Variants in TVP23A observed in about 807,000 individuals in gnomAD.
The protein encoded by TVP23A is Golgi apparatus membrane protein TVP23 homolog A.
In TVP23A, 21 loss-of-function variants were observed where a neutral mutation model predicts 31.7. The observed-to-expected ratio is 0.66, with a 90% confidence interval of 0.47 to 0.95. The LOEUF (loss-of-function observed/expected upper bound fraction) is 0.95. Among genes scored for constraint, TVP23A ranks in the 40% least tolerant of loss-of-function variants. The pLI is 0.00. For missense variants in TVP23A, 279 were observed against 255.6 expected, an observed-to-expected ratio of 1.09 and a Z score of -0.62; for synonymous variants, 104 against 96.0, an observed-to-expected ratio of 1.08 and a Z score of -0.49.
In TVP23A at chr16:10,818,603, G is replaced by A; in HGVS notation, c.-110C>T. The A allele has an allele frequency of 7.2e-7, 1 of 1,390,308 alleles. No individual in the cohort carries two copies. Among genetic ancestry groups the A allele is most frequent in the Non-Finnish European group, 9.6e-7 (1 of 1,041,334 alleles). The allele number at this position is 1,390,308 out of a possible 1,614,324, so 86.1% of individuals were successfully genotyped here. A position where few individuals can be genotyped will look rare whatever the true frequency, so the allele number is the denominator to read the frequency against. ...CGGATGTAGGCAGCAGACGGTGGAC[G>A]CTGAGGGTCGGGGCCTGCGCCCTGT... On this transcript the variant is annotated 5_prime_UTR_variant, in exon 1 of 8. Transcript: ENST00000299866. The surrounding 1 kb of genome is among the most constrained non-coding windows in gnomAD (Gnocchi z 4.7).
chr16:10,800,502 A>T (rs2033644114), intron 2 of TVP23A, among the ~76,000 whole-genome samples: 1 of 152,108 alleles, frequency 6.6e-6, no homozygotes, highest in South Asian at 2.1e-4. Flanking sequence ...ATGTACCCTA[A>T]AATGTATGGC....
At chr16:10,769,251 A>G (rs964835984) in intron 7 of TVP23A, 150 bp from the exon 8 acceptor site, 1 of 641,052 alleles carries the variant, frequency 1.6e-6, no homozygotes, top group Non-Finnish European at 2.8e-6. Flanking sequence ...TTTCTCAGAG[A>G]CACTTTAATC....
rs557972348 is a variant in TVP23A, at chr16:10,785,373, C to T, written c.90-10277G>A. On this transcript the variant is annotated intron_variant, in intron 2 of 7. Coordinates refer to ENST00000299866, the MANE Select transcript of TVP23A (RefSeq NM_001079512.4). ...GAGCAGAGATCGCACCACTGCACTC[C>T]AGCCTGGGTGACAGAGCAAGACTCC... Among the ~76,000 whole-genome samples, 6 of 152,046 alleles carry T rather than the reference C, an allele frequency of 3.9e-5. No individual in the cohort carries two copies. The East Asian group carries it at 9.6e-4, about 24-fold the overall frequency.
At chr16:10,774,876 G>A (rs527600994) in intron 3 of TVP23A, 76 bp downstream of exon 3, 3 of 1,362,368 alleles carry the variant, frequency 2.2e-6, no homozygotes, top group South Asian at 2.5e-5. Flanking sequence ...CTAAACCAAA[G>A]TACCTCTTGG....
rs915350693 is a variant in TVP23A, at chr16:10,818,366, G to A, written c.9+119C>T. On this transcript the variant is annotated intron_variant, in intron 1 of 7. Transcript: ENST00000299866. The surrounding 1 kb of genome is among the most constrained non-coding windows in gnomAD (Gnocchi z 4.7). ...AGCCCTCTCCACCCTCCCGACCACCGGGTGCAGCCCAGCCCCAGGCCCCGG... is the reference window on the plus strand; with the variant it reads ...AGCCCTCTCCACCCTCCCGACCACCAGGTGCAGCCCAGCCCCAGGCCCCGG... 244 of 1,465,034 alleles carry A rather than the reference G, an allele frequency of 1.7e-4. No individual in the cohort carries two copies. The highest frequency in any genetic ancestry group is 2.0e-4 in the Non-Finnish European group (217 of 1,081,594). 90.8% of individuals were successfully genotyped at this position (1,465,034 alleles called of 1,614,324 possible).
At chr16:10,764,635 C>T (rs2030578718), downstream of TVP23A, among the ~76,000 whole-genome samples, 1 of 151,570 alleles carries the variant, frequency 6.6e-6, no homozygotes, top group Non-Finnish European at 1.5e-5. Flanking sequence ...ATTGGAGCAT[C>T]TCAGTCTGCT....
rs9889221 is a variant in TVP23A at position 10,813,869 on chromosome 16, C to G, written c.89+4234G>C. Among the ~76,000 whole-genome samples the G allele has an allele frequency of 7.1e-3, 1,077 of 151,792 alleles. 7 individuals are homozygous for G. The highest frequency in any genetic ancestry group is 0.02 in the African/African-American group (826 of 41,422). ...TACAAAATTAGCCAGCGTGGTGGCA[C>G]GCACCTGTAATCCCAGCTACTCAGG... On this transcript the variant is annotated intron_variant, in intron 2 of 7. Coordinates refer to ENST00000299866, the MANE Select transcript of TVP23A (RefSeq NM_001079512.4).
intron 2 of TVP23A, among the ~76,000 whole-genome samples, chr16:10,783,607 C>T (rs759962242): frequency 5.3e-5 from 8 of 152,068 alleles, no homozygotes; most frequent in Non-Finnish European, 8.8e-5. Flanking sequence ...ACCCAAGAAG[C>T]GGAGGTTGCA....
At chr16:10,760,152 T>A (rs1214525331), downstream of TVP23A, among the ~76,000 whole-genome samples, 2 of 152,258 alleles carry the variant, frequency 1.3e-5, no homozygotes, top group Non-Finnish European at 2.9e-5. Flanking sequence ...GTCAGTTGTT[T>A]GTGTTTATAA....
At chr16:10,796,689 C>T (rs986138408) in intron 2 of TVP23A, among the ~76,000 whole-genome samples, 14 of 152,158 alleles carry the variant, frequency 9.2e-5, no homozygotes, top group Non-Finnish European at 8.8e-5. Flanking sequence ...CAGCCCGCCT[C>T]AGACTCCCAA....
chr16:10,797,765 T>C (rs537877463), intron 2 of TVP23A, among the ~76,000 whole-genome samples: 1 of 152,062 alleles, frequency 6.6e-6, no homozygotes, highest in African/African-American at 2.4e-5. Context: ...AAAATATGTA[T>C]ATTTGAATTG....
At position 10,818,426 on chromosome 16, in the gene TVP23A, C is replaced by T. The variant is rs898684679; in HGVS notation, c.9+59G>A. 5.7e-6 allele frequency: 9 copies of T among 1,584,250 alleles called. No homozygotes were observed. The Admixed American group carries it at 7.0e-5, about 12-fold the overall frequency. The stretch of plus-strand genomic sequence containing the variant: ...CCTCCTCCTCCCGGCTTCTCCAGCG[C>T]TCCCGCAGGCTCCCCTCGTCCCGCC... On this transcript the variant is annotated intron_variant, in intron 1 of 7. Transcript: ENST00000299866. This position sits in a 1 kb window ranked among gnomAD's most constrained non-coding sequence, Gnocchi z 4.7.
At chr16:10,784,958 G>C (rs961301509) in intron 2 of TVP23A, among the ~76,000 whole-genome samples, 1 of 151,880 alleles carries the variant, frequency 6.6e-6, no homozygotes, top group Non-Finnish European at 1.5e-5. Flanking sequence ...GTAGCTGAAT[G>C]TGGTGGCGGG....
At chr16:10,770,402 C>G in intron 6 of TVP23A, 71 bp from the exon 7 acceptor site, 2 of 1,487,488 alleles carry the variant, frequency 1.3e-6, no homozygotes, top group South Asian at 2.5e-5. Flanking sequence ...TGATGGAAGG[C>G]CAGAGAAAAC....
downstream of TVP23A, among the ~76,000 whole-genome samples, chr16:10,760,340 C>CAGCCAG (rs1269544993): frequency 6.6e-6 from 1 of 152,226 alleles, no homozygotes; most frequent in Admixed American, 6.5e-5. Context: ...TTTATAAAAC[C>CAGCCAG]AGCCAGATTC....
At chr16:10,812,233 G>C (rs2034238858) in intron 2 of TVP23A, among the ~76,000 whole-genome samples, 1 of 152,144 alleles carries the variant, frequency 6.6e-6, no homozygotes, top group Non-Finnish European at 1.5e-5. Flanking sequence ...CCATGAGGTG[G>C]TTACTATCAA....
At chr16:10,801,205 C>T (rs781150202) in intron 2 of TVP23A, among the ~76,000 whole-genome samples, 2 of 151,836 alleles carry the variant, frequency 1.3e-5, no homozygotes, top group African/African-American at 2.4e-5. Flanking sequence ...AAAAAAAATG[C>T]GATTTCTAGG....
intron 2 of TVP23A, among the ~76,000 whole-genome samples, chr16:10,816,942 C>G (rs1346646300): frequency 1.3e-5 from 2 of 151,624 alleles, no homozygotes; most frequent in Non-Finnish European, 1.5e-5. Context: ...CACACACACA[C>G]ACACACACAC....
chr16:10,757,698 C>A (rs115724994), downstream of TVP23A, among the ~76,000 whole-genome samples: 1,265 of 152,102 alleles, frequency 8.3e-3, 20 homozygotes, highest in African/African-American at 0.029. The surrounding 1 kb of genome is among the most constrained non-coding windows in gnomAD (Gnocchi z 4.1). Context: ...CACAGTGGCA[C>A]GCACTTATAG....
Sources: gnomAD v4.1 joint callset for allele counts (sites outside exome capture counted in the v4.1 genomes callset) on GRCh38, gnomAD v4.1.1 for gene constraint, Gnocchi (gnomAD v3.1) non-coding constraint, MANE v1.5 for transcripts, NCBI Gene and HGNC (gene_info 2026-07-23, HGNC 2026-07-21) for gene names.